PTPRD: variants seen among roughly 807,000 people sequenced by gnomAD.
The protein encoded by PTPRD is protein tyrosine phosphatase receptor type D.
A neutral mutation model predicts 214.5 loss-of-function variants in PTPRD; 34 were observed. The ratio of observed to expected loss-of-function variants is 0.16; its 90% CI spans 0.12 to 0.21. The LOEUF is 0.21. Among genes scored for constraint, PTPRD ranks in the 10% least tolerant of loss-of-function variants. PTPRD has a pLI of 1.00. For missense variants in PTPRD, 2,545 were observed against 2,398.7 expected (o/e 1.06, Z -1.27); for synonymous variants, 1,128 against 845.7 (o/e 1.33, Z -5.79).
At chr9:10,201,820 T>A (rs905626982) in intron 3 of PTPRD, among the ~76,000 whole-genome samples, 14 of 152,088 alleles carry the variant, frequency 9.2e-5, no homozygotes, top group Non-Finnish European at 1.9e-4. Flanking sequence ...ACAAATACAT[T>A]GAAAATACAT....
At chr9:9,580,846 G>T (rs1433641025) in intron 7 of PTPRD, among the ~76,000 whole-genome samples, 1 of 152,046 alleles carries the variant, frequency 6.6e-6, no homozygotes, top group East Asian at 1.9e-4. Context: ...ACCGTGCCCA[G>T]CCCTTAGCCT....
chr9:8,764,446 T>C (rs1250436931), intron 11 of PTPRD, among the ~76,000 whole-genome samples: 1 of 152,144 alleles, frequency 6.6e-6, no homozygotes, highest in African/African-American at 2.4e-5. Context: ...GGCATTAAGA[T>C]TTTAGGGATC....
At chr9:9,679,675 C>A (rs951340226) in intron 7 of PTPRD, among the ~76,000 whole-genome samples, 4 of 151,820 alleles carry the variant, frequency 2.6e-5, no homozygotes, top group African/African-American at 9.7e-5. Context: ...GCCCTAGATT[C>A]TCCAACTTGT....
chr9:9,255,180 C>T (rs1027198887), intron 9 of PTPRD, among the ~76,000 whole-genome samples: 1 of 152,040 alleles, frequency 6.6e-6, no homozygotes, highest in South Asian at 2.1e-4. Flanking sequence ...GCCACTGGAA[C>T]ATTAACTTGC....
chr9:8,498,856 A>C (rs2097334437), intron 25 of PTPRD, among the ~76,000 whole-genome samples: 1 of 152,146 alleles, frequency 6.6e-6, no homozygotes, highest in African/African-American at 2.4e-5. Flanking sequence ...ACTCAAGCGA[A>C]TTTATTATGG....
At chr9:9,294,814 C>G (rs1027395517) in intron 9 of PTPRD, among the ~76,000 whole-genome samples, 18 of 151,638 alleles carry the variant, frequency 1.2e-4, no homozygotes, top group African/African-American at 3.9e-4. Context: ...AACTAATATA[C>G]TCCATGTGCA....
intron 9 of PTPRD, among the ~76,000 whole-genome samples, chr9:9,198,804 G>C (rs910479194): frequency 1.3e-5 from 2 of 152,144 alleles, no homozygotes; most frequent in African/African-American, 2.4e-5. Context: ...CCCTGAGATA[G>C]ATGACTGCAT....
intron 8 of PTPRD, among the ~76,000 whole-genome samples, chr9:9,469,457 G>A (rs776552449): frequency 6.4e-4 from 98 of 152,134 alleles, no homozygotes; most frequent in Non-Finnish European, 1.4e-3. Flanking sequence ...GAAAGCCTCT[G>A]TGGTTAAAAA....
chr9:8,992,245 C>T (rs2099374969), intron 11 of PTPRD, among the ~76,000 whole-genome samples: 2 of 152,042 alleles, frequency 1.3e-5, no homozygotes, highest in Non-Finnish European at 2.9e-5. Flanking sequence ...GAGTGACACC[C>T]CAAATTGACA....
intron 5 of PTPRD, among the ~76,000 whole-genome samples, chr9:9,777,575 G>A (rs1371245075): frequency 1.3e-5 from 2 of 152,060 alleles, no homozygotes; most frequent in African/African-American, 2.4e-5. Context: ...GCACATGCCT[G>A]TTGTCCCAGC....
At chr9:9,175,923 A>C (rs996616019) in intron 10 of PTPRD, among the ~76,000 whole-genome samples, 1 of 152,156 alleles carries the variant, frequency 6.6e-6, no homozygotes, top group African/African-American at 2.4e-5. Flanking sequence ...GCCTGAAAAA[A>C]GAAAGAAAGA....
intron 12 of PTPRD, among the ~76,000 whole-genome samples, chr9:8,644,012 A>G (rs565571417): frequency 6.6e-6 from 1 of 152,278 alleles, no homozygotes; most frequent in African/African-American, 2.4e-5. Context: ...ATGGCTGTCC[A>G]TGGACCAGCT....
intron 2 of PTPRD, among the ~76,000 whole-genome samples, chr9:10,362,453 T>C (rs2097413023): frequency 6.6e-6 from 1 of 151,760 alleles, no homozygotes; most frequent in South Asian, 2.1e-4. Context: ...GGCAAAGCTA[T>C]ACAACAAAAG....
chr9:8,490,912 T>G lies in PTPRD; in HGVS notation c.2467+1950A>C, dbSNP rs2097136357. ...TGTGGGAGCTGTAACTAAATACCTT[T>G]ACAATTATGGTTATTAGGAGCTCAC... On this transcript the variant is annotated intron_variant, in intron 27 of 45. Transcript: ENST00000381196. Among the ~76,000 whole-genome samples the G allele has an allele frequency of 2.6e-5, 4 of 152,294 alleles. No homozygotes were observed. In the South Asian group the frequency reaches 8.3e-4, roughly 32 times the overall value.
chr9:8,781,268 G>A (rs1247840290), intron 11 of PTPRD, among the ~76,000 whole-genome samples: 3 of 152,110 alleles, frequency 2.0e-5, no homozygotes, highest in Non-Finnish European at 2.9e-5. Flanking sequence ...AAGAGTCAGG[G>A]GGCTGCTCTT....
chr9:9,063,395 C>G (rs527589980), intron 10 of PTPRD, among the ~76,000 whole-genome samples: 1 of 152,062 alleles, frequency 6.6e-6, no homozygotes. Context: ...AATGCCTACC[C>G]TCATCAACTA....
intron 11 of PTPRD, among the ~76,000 whole-genome samples, chr9:8,911,400 G>C (rs1368610808): frequency 1.6e-5 from 2 of 122,872 alleles, no homozygotes; most frequent in Non-Finnish European, 3.4e-5. Flanking sequence ...GTGTGTGTCT[G>C]TGTGTGTGTG....
intron 5 of PTPRD, among the ~76,000 whole-genome samples, chr9:9,936,973 G>A (rs1471534265): frequency 6.6e-6 from 1 of 150,926 alleles, no homozygotes; most frequent in Non-Finnish European, 1.5e-5. Flanking sequence ...ACTATCACAA[G>A]AACAAAAAAC....
At chr9:9,566,661 A>G (rs1168527264) in intron 8 of PTPRD, among the ~76,000 whole-genome samples, 1 of 152,088 alleles carries the variant, frequency 6.6e-6, no homozygotes, top group African/African-American at 2.4e-5. Flanking sequence ...ATTTACAAAG[A>G]TTAAACACCA....
Sources: allele counts gnomAD v4.1 joint callset (sites outside exome capture counted in the v4.1 genomes callset), GRCh38; gene constraint gnomAD v4.1.1; transcripts MANE v1.5; gene names NCBI Gene and HGNC (gene_info 2026-07-23, HGNC 2026-07-21).